The following XKR6 variants were observed in gnomAD, a reference collection of about 807,000 sequenced individuals.
The protein encoded by XKR6 is XK related 6.
Under a neutral mutation model 56.7 loss-of-function variants are expected in XKR6, and 22 were observed. That is an observed-to-expected ratio of 0.39 (90% CI 0.28 to 0.55). The LOEUF (loss-of-function observed/expected upper bound fraction) is 0.55. XKR6 is among the 20% of genes least tolerant of loss of function. The probability of loss-of-function intolerance (pLI) is 0.66; values close to 1 mark genes in which losing one functional copy is unlikely to be tolerated. For synonymous variants in XKR6, 524 were observed against 387.8 expected (o/e 1.35, Z -4.13); for missense variants, 852 against 889.0 (o/e 0.96, Z 0.53).
chr8:11,185,974 C>T (rs184879976), intron 1 of XKR6, among the ~76,000 whole-genome samples: 255 of 152,316 alleles, frequency 1.7e-3, no homozygotes, highest in African/African-American at 5.9e-3. Context: ...CTGTACCACC[C>T]TCAGACTAAG....
intron 1 of XKR6, among the ~76,000 whole-genome samples, chr8:11,171,258 G>C (rs977249605): frequency 6.6e-6 from 1 of 152,192 alleles, no homozygotes; most frequent in Non-Finnish European, 1.5e-5. Flanking sequence ...TTATCATTAA[G>C]TGCACACCCA....
At chr8:10,941,037 G>A (rs894298827) in intron 1 of XKR6, among the ~76,000 whole-genome samples, 2 of 152,224 alleles carry the variant, frequency 1.3e-5, no homozygotes, top group African/African-American at 4.8e-5. Flanking sequence ...ACCCAGGGAG[G>A]AGGTGAGGGG....
intron 1 of XKR6, among the ~76,000 whole-genome samples, chr8:10,992,972 C>A (rs960207251): frequency 4.6e-5 from 7 of 152,232 alleles, no homozygotes; most frequent in African/African-American, 1.7e-4. Flanking sequence ...TGACTGGATT[C>A]TTCACATGTC....
intron 1 of XKR6, among the ~76,000 whole-genome samples, chr8:11,135,161 C>A (rs1033838653): frequency 6.6e-6 from 1 of 151,196 alleles, no homozygotes; most frequent in African/African-American, 2.5e-5. Flanking sequence ...TCCCGAGTAG[C>A]TGGGACTACA....
intron 1 of XKR6, among the ~76,000 whole-genome samples, chr8:10,994,333 C>A (rs1798062065): frequency 6.6e-6 from 1 of 152,230 alleles, no homozygotes; most frequent in Non-Finnish European, 1.5e-5. Flanking sequence ...GCTCTAGGCC[C>A]CTCTCCTGGG....
rs947653588 is a variant in XKR6, at chr8:11,201,726, G to C, written c.-387C>G. ...GCGTTTCAGAATCCGGCTGGCCCGA[G>C]TGAGGCGGTCCAAAGTGATCCCTGG... is the stretch of plus-strand genomic sequence containing the variant. On this transcript the variant is annotated 5_prime_UTR_variant, in exon 1 of 3. Transcript: ENST00000416569. Among the ~76,000 whole-genome samples the C allele has an allele frequency of 6.6e-6, 1 of 152,234 alleles. No individual in the cohort carries two copies. The highest frequency in any genetic ancestry group is 2.4e-5 in the African/African-American group (1 of 41,452).
chr8:11,056,532 G>T (rs1457877534), intron 1 of XKR6, among the ~76,000 whole-genome samples: 1 of 152,124 alleles, frequency 6.6e-6, no homozygotes, highest in African/African-American at 2.4e-5. Flanking sequence ...TACCCCAAAT[G>T]CAACTCCTCA....
chr8:11,197,634 GA>G (rs1259846621), intron 1 of XKR6, among the ~76,000 whole-genome samples: 1 of 152,208 alleles, frequency 6.6e-6, no homozygotes, highest in Non-Finnish European at 1.5e-5. Context: ...AGGCATGCAT[GA>G]AAAAGACCTT....
chr8:11,021,117 A>T (rs991465062), intron 1 of XKR6, among the ~76,000 whole-genome samples: 1 of 152,134 alleles, frequency 6.6e-6, no homozygotes, highest in African/African-American at 2.4e-5. Context: ...AACCATCTCC[A>T]TAAAACAGCT....
rs193250494 is a variant in XKR6 at position 10,902,018 on chromosome 8, C to T, written c.962-3102G>A. 4.1e-4 allele frequency among the ~76,000 whole-genome samples: 62 copies of T among 152,294 alleles called. 2 individuals are homozygous for T. Among genetic ancestry groups the T allele is most frequent in the Admixed American group, 3.3e-3 (51 of 15,306 alleles). On this transcript the variant is annotated intron_variant, in intron 2 of 2. Coordinates refer to ENST00000416569, the MANE Select transcript of XKR6 (RefSeq NM_173683.4). Reference sequence around the variant, plus strand: ...TTACCTACCCCATTTCCAGGTGTGTCGCTGTGGTTTTGAAGGCGGGTGTTC... The same window carrying T: ...TTACCTACCCCATTTCCAGGTGTGTTGCTGTGGTTTTGAAGGCGGGTGTTC...
chr8:11,021,831 A>C (rs1798756202), intron 1 of XKR6, among the ~76,000 whole-genome samples: 1 of 152,126 alleles, frequency 6.6e-6, no homozygotes, highest in Non-Finnish European at 1.5e-5. Context: ...AAGGAACTTT[A>C]GGGTAAGCCT....
In XKR6 at chr8:11,186,301, A is replaced by G. The variant is rs1396580897; in HGVS notation, c.764+14275T>C. Among the ~76,000 whole-genome samples, 5 of 152,050 alleles carry G rather than the reference A, an allele frequency of 3.3e-5. No individual in the cohort carries two copies. In the East Asian group the frequency reaches 5.8e-4, roughly 18 times the overall value. ...TGTGATGTGAAGGTGTTGCCCAGCC[A>G]CCCTTGATCTAGGTATGGTCCACGG... On this transcript the variant is annotated intron_variant, in intron 1 of 2. Transcript: ENST00000416569.
chr8:10,944,491 G>C (rs11250094), intron 1 of XKR6, among the ~76,000 whole-genome samples: 84,109 of 151,960 alleles, frequency 0.55, 25,275 homozygotes, highest in African/African-American at 0.75. Flanking sequence ...TCACCACACG[G>C]CAGGGCAGGG....
intron 1 of XKR6, among the ~76,000 whole-genome samples, chr8:11,163,509 C>T (rs1023583816): frequency 5.3e-5 from 8 of 152,196 alleles, no homozygotes; most frequent in Admixed American, 2.0e-4. Context: ...TAACTATTTC[C>T]CTGCATCCGC....
intron 1 of XKR6, among the ~76,000 whole-genome samples, chr8:10,965,002 T>G (rs1802174760): frequency 6.6e-6 from 1 of 152,190 alleles, no homozygotes; most frequent in Non-Finnish European, 1.5e-5. Flanking sequence ...CCTCTTTACA[T>G]CGCCTTCCCT....
At chr8:11,179,746 T>C (rs991902527) in intron 1 of XKR6, among the ~76,000 whole-genome samples, 2 of 152,196 alleles carry the variant, frequency 1.3e-5, no homozygotes, top group Non-Finnish European at 2.9e-5. Flanking sequence ...CTCTCCACCA[T>C]ATACAAATTA....
intron 1 of XKR6, among the ~76,000 whole-genome samples, chr8:11,067,365 C>T (rs996381681): frequency 1.3e-5 from 2 of 152,196 alleles, no homozygotes; most frequent in Non-Finnish European, 2.9e-5. Flanking sequence ...GCAGAGCCCC[C>T]CACCCGGGTG....
At chr8:11,178,572 A>ATATATATATATATATG (rs1563197891) in intron 1 of XKR6, among the ~76,000 whole-genome samples, 13 of 140,840 alleles carry the variant, frequency 9.2e-5, no homozygotes, top group Non-Finnish European at 1.2e-4. Context: ...ATATATATAT[A>ATATATATATATATATG]TGTATATATA....
intron 1 of XKR6, among the ~76,000 whole-genome samples, chr8:10,951,296 TGTG>T (rs1425482066): frequency 1.0e-3 from 94 of 90,044 alleles, no homozygotes; most frequent in African/African-American, 1.7e-3. Context: ...TGTGTGTGTG[TGTG>T]GGGGGGGGGG....
Sources: gnomAD v4.1 joint callset for allele counts (sites outside exome capture counted in the v4.1 genomes callset) on GRCh38, gnomAD v4.1.1 for gene constraint, MANE v1.5 for transcripts, NCBI Gene and HGNC (gene_info 2026-07-23, HGNC 2026-07-21) for gene names.